The following SMARCC1 variants were observed in gnomAD, a reference collection of about 807,000 sequenced individuals.
SMARCC1 encodes the protein SWI/SNF complex subunit SMARCC1.
SMARCC1 carries 43 observed loss-of-function variants against 147.4 expected under a neutral mutation model. The observed-to-expected ratio is 0.29, with a 90% confidence interval of 0.23 to 0.38. SMARCC1 has a LOEUF of 0.38. Ranked by LOEUF, SMARCC1 falls within the 10% of genes least tolerant of loss-of-function variation. The pLI is 1.00. For synonymous variants in SMARCC1, 495 were observed against 484.4 expected (o/e 1.02, Z -0.29); for missense variants, 1,119 against 1,381.1 (o/e 0.81, Z 3.01).
intron 2 of SMARCC1, among the ~76,000 whole-genome samples, chr3:47,753,669 G>T (rs7646982): frequency 7.2e-6 from 1 of 139,638 alleles, no homozygotes; most frequent in Non-Finnish European, 1.5e-5. Context: ...CTGAGATTGC[G>T]CCACTGCACT....
At chr3:47,715,146 C>T (rs1469367834) in intron 7 of SMARCC1, among the ~76,000 whole-genome samples, 15 of 152,176 alleles carry the variant, frequency 9.9e-5, no homozygotes, top group Non-Finnish European at 1.6e-4. Flanking sequence ...AAAAATCCTT[C>T]TCCCTTGCTA....
At chr3:47,722,293 ATTTT>A (rs34260316) in intron 6 of SMARCC1, among the ~76,000 whole-genome samples, 6 of 107,064 alleles carry the variant, frequency 5.6e-5, no homozygotes, top group Admixed American at 1.1e-4. Flanking sequence ...ACAAATTTTG[ATTTT>A]TTTTTTTTTT....
intron 26 of SMARCC1, among the ~76,000 whole-genome samples, chr3:47,601,553 C>A (rs2032386356): frequency 6.6e-6 from 1 of 152,134 alleles, no homozygotes; most frequent in African/African-American, 2.4e-5. Flanking sequence ...TTGTTGAAGA[C>A]TGGGCCCTCA....
Position 47,781,701 on chromosome 3 carries a change from G to A in SMARCC1, c.97C>T (p.Arg33Trp). 3 of 1,562,702 alleles carry A rather than the reference G, an allele frequency of 1.9e-6. No homozygotes were observed. The highest frequency in any genetic ancestry group is 2.6e-6 in the Non-Finnish European group (3 of 1,158,306). ...AAAAGLAVYR[R>W]KDGGPATKFW... ...TTGGTGGCCGGGCCCCCATCCTTCC[G>A]TCGATAAACAGCTAGGCCTGCGGCT... The change falls in exon 1 of 28, where the codon CGG becomes TGG. Residue 33 changes from arginine to tryptophan, a missense_variant. Arg to Trp is a moderately radical substitution (Grantham distance 101, BLOSUM62 -3). Transcript: ENST00000254480.
At chr3:47,592,599 T>C (rs2032202377) in intron 26 of SMARCC1, among the ~76,000 whole-genome samples, 1 of 152,196 alleles carries the variant, frequency 6.6e-6, no homozygotes, top group Admixed American at 6.5e-5. Flanking sequence ...CTGCTGGGCT[T>C]GTTTTGTTTT....
chr3:47,698,227 T>C (rs1387786958), intron 11 of SMARCC1, among the ~76,000 whole-genome samples: 1 of 151,922 alleles, frequency 6.6e-6, no homozygotes, highest in African/African-American at 2.4e-5. Flanking sequence ...AGAAATATCA[T>C]TACATCAGTG....
At chr3:47,624,654 C>CA (rs1210549639) in intron 24 of SMARCC1, among the ~76,000 whole-genome samples, 1 of 152,050 alleles carries the variant, frequency 6.6e-6, no homozygotes, top group Non-Finnish European at 1.5e-5. Context: ...TGTTCTAGCT[C>CA]AAGTAATGTA....
At chr3:47,656,791 G>A (rs1559636567) in intron 21 of SMARCC1, among the ~76,000 whole-genome samples, 3 of 152,090 alleles carry the variant, frequency 2.0e-5, no homozygotes, top group Non-Finnish European at 4.4e-5. Context: ...GTATGCGCCT[G>A]TAGTCCCAGC....
At chr3:47,600,640 T>A (rs2032367194) in intron 26 of SMARCC1, among the ~76,000 whole-genome samples, 1 of 152,170 alleles carries the variant, frequency 6.6e-6, no homozygotes, top group Non-Finnish European at 1.5e-5. Context: ...CACCTTCCTT[T>A]CTAAGGAGTA....
chr3:47,749,589 C>T (rs1349782323), intron 2 of SMARCC1, among the ~76,000 whole-genome samples: 1 of 137,596 alleles, frequency 7.3e-6, no homozygotes, highest in Non-Finnish European at 1.6e-5. Flanking sequence ...ATTGCTTGAG[C>T]TTGGGAAGTT....
At position 47,686,849 on chromosome 3, in the gene SMARCC1, G is replaced by C. The variant is rs528382671; in HGVS notation, c.1264-679C>G. Reference sequence around the variant, plus strand: ...AAAATTTAGAAATTAGCTGGACATAGTGGTACATGCCTGTAGTCCCAGCTA... The same window carrying C: ...AAAATTTAGAAATTAGCTGGACATACTGGTACATGCCTGTAGTCCCAGCTA... On this transcript the variant is annotated intron_variant, in intron 13 of 27. Transcript: ENST00000254480. Among the ~76,000 whole-genome samples the C allele has an allele frequency of 1.6e-4, 24 of 152,218 alleles. No individual in the cohort carries two copies. In the South Asian group the frequency reaches 4.4e-3, roughly 28 times the overall value.
chr3:47,644,536 C>T (rs142571451), intron 21 of SMARCC1, among the ~76,000 whole-genome samples: 42 of 152,294 alleles, frequency 2.8e-4, no homozygotes, highest in African/African-American at 9.4e-4. Flanking sequence ...GAGCTGGAGT[C>T]TCGCTCTATC....
chr3:47,594,360 C>G (rs2032235089), intron 26 of SMARCC1, among the ~76,000 whole-genome samples: 1 of 152,164 alleles, frequency 6.6e-6, no homozygotes, highest in South Asian at 2.1e-4. Flanking sequence ...ATAACTTGGT[C>G]AAATCACTTT....
Position 47,763,087 on chromosome 3 carries a change from C to T in SMARCC1, c.315+9730G>A, listed in dbSNP as rs186228536. Among the ~76,000 whole-genome samples, 663 of 150,656 alleles carry T rather than the reference C, an allele frequency of 4.4e-3. 7 individuals carry two copies. The highest frequency in any genetic ancestry group is 0.014 in the Admixed American group (218 of 15,084). ...TCTCAAAAAAAAAAAAAAGAGAAAACGTTGAATGATAGTTCCCTTAAAATA... is the reference window on the plus strand; with the variant it reads ...TCTCAAAAAAAAAAAAAAGAGAAAATGTTGAATGATAGTTCCCTTAAAATA... On this transcript the variant is annotated intron_variant, in intron 2 of 27. Transcript: ENST00000254480.
chr3:47,622,329 C>T lies in SMARCC1; in HGVS notation c.2659G>A (p.Val887Met), dbSNP rs1399910631. The change falls in exon 25 of 28, where the codon GTG (valine) becomes ATG (methionine). Residue 887 changes from valine (V) to methionine (M), a missense_variant. By Grantham distance (21) the Val-to-Met change is conservative (BLOSUM62 1). Transcript: ENST00000254480. Reference protein sequence around the residue: ...AATKAKHLAAVEERKIKSLVA... With the variant: ...AATKAKHLAAMEERKIKSLVA... Reference sequence around the variant, plus strand: ...AGGGACTTGATCTTTCTTTCTTCCACTGCAGCCAGGTGCTAAGGGTACAAG... The same window carrying T: ...AGGGACTTGATCTTTCTTTCTTCCATTGCAGCCAGGTGCTAAGGGTACAAG... The T allele has an allele frequency of 1.2e-6, 2 of 1,613,708 alleles. No homozygotes were observed. Among genetic ancestry groups the T allele is most frequent in the Non-Finnish European group, 1.7e-6 (2 of 1,179,904 alleles).
chr3:47,712,617 C>T (rs2034101238), intron 8 of SMARCC1, among the ~76,000 whole-genome samples: 1 of 150,972 alleles, frequency 6.6e-6, no homozygotes, highest in Non-Finnish European at 1.5e-5. Context: ...GTATTATACT[C>T]TCTGGCTTTC....
At chr3:47,780,285 C>T (rs2035030724) in intron 1 of SMARCC1, among the ~76,000 whole-genome samples, 2 of 145,298 alleles carry the variant, frequency 1.4e-5, no homozygotes, top group African/African-American at 5.1e-5. Context: ...GATTCTCCTG[C>T]CTCAGCCTCC....
intron 11 of SMARCC1, among the ~76,000 whole-genome samples, chr3:47,695,789 A>G (rs1009323368): frequency 7.6e-6 from 1 of 130,730 alleles, no homozygotes; most frequent in African/African-American, 3.0e-5. Context: ...AAAAAGTTGG[A>G]CGCAGTGTGG....
intron 1 of SMARCC1, among the ~76,000 whole-genome samples, chr3:47,773,364 T>C (rs1358557128): frequency 1.3e-5 from 2 of 150,412 alleles, no homozygotes; most frequent in Non-Finnish European, 3.0e-5. Flanking sequence ...TGACCTCATG[T>C]GACCTGCCCC....
Sources: gnomAD v4.1 joint callset for allele counts (sites outside exome capture counted in the v4.1 genomes callset) on GRCh38, gnomAD v4.1.1 for gene constraint, MANE v1.5 for transcripts, NCBI Gene and HGNC (gene_info 2026-07-23, HGNC 2026-07-21) for gene names.